Variants in LGSN observed in about 807,000 individuals in gnomAD.
The protein encoded by LGSN is lengsin, lens protein with glutamine synthetase domain, also known as lengsin.
Under a neutral mutation model 19.5 loss-of-function variants are expected in LGSN, and 21 were observed. The ratio of observed to expected loss-of-function variants is 1.07; its 90% CI spans 0.76 to 1.55. The LOEUF (loss-of-function observed/expected upper bound fraction) is 1.55. Among genes scored for constraint, LGSN ranks in the 40% most tolerant of loss-of-function variants. The pLI is 0.00. For missense variants in LGSN, 673 were observed against 608.5 expected (o/e 1.11, Z -1.12); for synonymous variants, 257 against 215.6 (o/e 1.19, Z -1.68).
the LGSN span, chr6:63,572,074 A>G: frequency 6.6e-6 from 1 of 152,236 alleles, no homozygotes; most frequent in Non-Finnish European, 1.5e-5. Flanking sequence ...TTCCAGCCCT[A>G]GAAGGATTGC....
the LGSN span, among the ~76,000 whole-genome samples, chr6:63,369,415 T>C: frequency 6.6e-6 from 1 of 152,142 alleles, no homozygotes; most frequent in Non-Finnish European, 1.5e-5. Flanking sequence ...TAAAATAACG[T>C]CGTTCATGTC....
the LGSN span, among the ~76,000 whole-genome samples, chr6:63,328,693 G>A: frequency 8.9e-4 from 135 of 152,292 alleles, no homozygotes; most frequent in African/African-American, 9.9e-4. Flanking sequence ...TCTCTGTGAC[G>A]TATAAAGAGA....
chr6:63,338,053 T>G, the LGSN span, among the ~76,000 whole-genome samples: 6 of 151,864 alleles, frequency 4.0e-5, no homozygotes, highest in African/African-American at 9.7e-5. Flanking sequence ...CCCTGGCTAA[T>G]TTTTGTATTT....
chr6:63,516,189 T>C, the LGSN span, among the ~76,000 whole-genome samples: 1 of 152,206 alleles, frequency 6.6e-6, no homozygotes, highest in South Asian at 2.1e-4. Context: ...AAAATAAGAC[T>C]TTAATCTGTA....
At chr6:63,512,371 T>C in the LGSN span, among the ~76,000 whole-genome samples, 2 of 152,138 alleles carry the variant, frequency 1.3e-5, no homozygotes, top group African/African-American at 2.4e-5. Context: ...GCATGAGCCA[T>C]GGAGCCAGCC....
chr6:63,505,649 T>TTTTTGTTTTG, the LGSN span, among the ~76,000 whole-genome samples: 1 of 103,946 alleles, frequency 9.6e-6, no homozygotes, highest in African/African-American at 3.5e-5. Flanking sequence ...CTGGCATTCT[T>TTTTTGTTTTG]TTTTGTTTTG....
At chr6:63,573,471 CGCGGCGCGAACCCGTGATT>C in the LGSN span, 1 of 152,030 alleles carries the variant, frequency 6.6e-6, no homozygotes, top group Admixed American at 6.6e-5. Context: ...TGACTGAAGG[CGCGGCGCGAACCCGTGATT>C]GCGGCGCGGA....
the LGSN span, among the ~76,000 whole-genome samples, chr6:63,411,633 A>C: frequency 6.6e-6 from 1 of 152,162 alleles, no homozygotes; most frequent in Non-Finnish European, 1.5e-5. Flanking sequence ...TGAGCCCAGG[A>C]GTTTGAGCTA....
chr6:63,310,450 C>A (rs933312050), intron 1 of LGSN, among the ~76,000 whole-genome samples: 1 of 151,802 alleles, frequency 6.6e-6, no homozygotes, highest in Non-Finnish European at 1.5e-5. Flanking sequence ...ATATTATCTC[C>A]CATTTTTTGT....
upstream of LGSN, among the ~76,000 whole-genome samples, chr6:63,322,093 A>T (rs1410250429): frequency 6.6e-6 from 1 of 152,218 alleles, no homozygotes; most frequent in Non-Finnish European, 1.5e-5. Flanking sequence ...GGGAAACAAT[A>T]TGTTGTTTAC....
chr6:63,294,708 C>T (rs1767908070), intron 2 of LGSN, among the ~76,000 whole-genome samples: 1 of 151,816 alleles, frequency 6.6e-6, no homozygotes, highest in Admixed American at 6.6e-5. Flanking sequence ...ACCCTCTTTA[C>T]ATTGTAAATA....
the LGSN span, among the ~76,000 whole-genome samples, chr6:63,452,408 C>T: frequency 6.6e-6 from 1 of 152,072 alleles, no homozygotes; most frequent in Admixed American, 6.6e-5. Context: ...GCCACCACAC[C>T]CAGCAACCTG....
intron 2 of LGSN, chr6:63,293,749 G>A: frequency 4.4e-6 from 2 of 456,630 alleles, no homozygotes; most frequent in Non-Finnish European, 8.8e-6. Flanking sequence ...GTCTCATCCT[G>A]AGAGTCCTTG....
the LGSN span, among the ~76,000 whole-genome samples, chr6:63,406,317 A>T: frequency 3.9e-5 from 6 of 152,156 alleles, 1 homozygote; most frequent in South Asian, 1.2e-3. Context: ...CAGAAATTAT[A>T]ACAAACTGTC....
chr6:63,311,725 T>C (rs1312006443), intron 1 of LGSN, among the ~76,000 whole-genome samples: 5 of 152,226 alleles, frequency 3.3e-5, no homozygotes, highest in African/African-American at 1.2e-4. Context: ...TGGTTCAAAA[T>C]ATTTTAAAAT....
the LGSN span, among the ~76,000 whole-genome samples, chr6:63,462,648 T>C: frequency 6.6e-6 from 1 of 152,192 alleles, no homozygotes; most frequent in Admixed American, 6.5e-5. Flanking sequence ...CTAAGCCTTA[T>C]TACCTAAGAA....
At chr6:63,306,253 C>T (rs1251425179) in intron 1 of LGSN, among the ~76,000 whole-genome samples, 1 of 152,118 alleles carries the variant, frequency 6.6e-6, no homozygotes, top group Admixed American at 6.6e-5. Context: ...TGTTCAAGGT[C>T]ATATCTGAGG....
At chr6:63,299,340 A>T (rs987197544) in intron 1 of LGSN, among the ~76,000 whole-genome samples, 6 of 152,164 alleles carry the variant, frequency 3.9e-5, no homozygotes, top group Non-Finnish European at 7.4e-5. Flanking sequence ...CTTATCATTG[A>T]CTTACATTTA....
At chr6:63,313,696 C>T (rs1768719969) in intron 1 of LGSN, among the ~76,000 whole-genome samples, 2 of 152,048 alleles carry the variant, frequency 1.3e-5, no homozygotes, top group Admixed American at 1.3e-4. Context: ...ATTAGCTGGA[C>T]ATGGTGGTGC....
Sources: allele counts gnomAD v4.1 joint callset (sites outside exome capture counted in the v4.1 genomes callset), GRCh38; gene constraint gnomAD v4.1.1; transcripts MANE v1.5; gene names NCBI Gene and HGNC (gene_info 2026-07-23, HGNC 2026-07-21).